FA2H: variants seen among roughly 807,000 people sequenced by gnomAD.
The protein encoded by FA2H is fatty acid alpha-hydroxylase.
Under a neutral mutation model 44.9 loss-of-function variants are expected in FA2H, and 22 were observed. The ratio of observed to expected loss-of-function variants is 0.49; its 90% CI spans 0.35 to 0.70. The LOEUF is 0.70. FA2H is among the 30% of genes least tolerant of loss of function. The probability of loss-of-function intolerance (pLI) is 0.01; values close to 1 mark genes in which losing one functional copy is unlikely to be tolerated. For missense variants in FA2H, 501 were observed against 504.9 expected (o/e 0.99, Z 0.07); for synonymous variants, 243 against 213.2 (o/e 1.14, Z -1.22).
intron 1 of FA2H, among the ~76,000 whole-genome samples, chr16:74,747,333 AGAAAG>A (rs1191775756): frequency 3.1e-3 from 1 of 326 alleles, no homozygotes; most frequent in Non-Finnish European, 5.7e-3. Context: ...TAAATAAATA[AGAAAG>A]AAAGAAAGAA....
At position 74,738,840 on chromosome 16, in the gene FA2H, G is replaced by A. The variant is rs1024953801; in HGVS notation, c.363+1183C>T. Reference sequence around the variant, plus strand: ...GAAACCAGGTCCCAGCTCGCCGGCTGCATGGCCGGGCAGCCTTTCCTCTGG... The same window carrying A: ...GAAACCAGGTCCCAGCTCGCCGGCTACATGGCCGGGCAGCCTTTCCTCTGG... On this transcript the variant is annotated intron_variant, in intron 2 of 6. Coordinates refer to ENST00000219368, the MANE Select transcript of FA2H (RefSeq NM_024306.5). Among the ~76,000 whole-genome samples the A allele has an allele frequency of 3.3e-5, 5 of 152,242 alleles. No individual in the cohort carries two copies. In the South Asian group the frequency reaches 8.3e-4, roughly 25 times the overall value.
At chr16:74,746,371 TA>T (rs1312529637) in intron 1 of FA2H, among the ~76,000 whole-genome samples, 402 of 96,866 alleles carry the variant, frequency 4.2e-3, no homozygotes, top group Non-Finnish European at 5.3e-3. Flanking sequence ...TTATTATTAT[TA>T]TTATTATTTT....
At chr16:74,748,230 C>G (rs1307085156) in intron 1 of FA2H, among the ~76,000 whole-genome samples, 1 of 152,254 alleles carries the variant, frequency 6.6e-6, no homozygotes, top group Admixed American at 6.5e-5. Context: ...CATGGAAACG[C>G]TGCGCGTGGA....
At chr16:74,750,808 GC>G (rs1962514593) in intron 1 of FA2H, among the ~76,000 whole-genome samples, 3 of 78,334 alleles carry the variant, frequency 3.8e-5, no homozygotes, top group Non-Finnish European at 8.4e-5. Flanking sequence ...ACAGGGTCTC[GC>G]TCTGTCAGCA....
At chr16:74,767,251 G>C (rs956438889) in intron 1 of FA2H, among the ~76,000 whole-genome samples, 1 of 152,190 alleles carries the variant, frequency 6.6e-6, no homozygotes, top group Non-Finnish European at 1.5e-5. Flanking sequence ...GGAGGTTGCA[G>C]TGAGCCGAGA....
At chr16:74,738,848 G>A (rs889078046) in intron 2 of FA2H, among the ~76,000 whole-genome samples, 2 of 152,224 alleles carry the variant, frequency 1.3e-5, no homozygotes, top group African/African-American at 4.8e-5. Flanking sequence ...CTGCATGGCC[G>A]GGCAGCCTTT....
intron 5 of FA2H, chr16:74,716,800 G>T (rs1961714966): frequency 3.7e-6 from 2 of 539,908 alleles, no homozygotes; most frequent in African/African-American, 1.9e-5. Context: ...CCATTTGTGA[G>T]CCAGGAAGGG....
Position 74,726,250 on chromosome 16 carries a change from G to T in FA2H, c.588C>A (p.Val196=), listed in dbSNP as rs1208153746. 6.2e-7 allele frequency: 1 copy of T among 1,613,914 alleles called. No individual in the cohort carries two copies. Among genetic ancestry groups the T allele is most frequent in the East Asian group, 2.2e-5 (1 of 44,884 alleles). Reference sequence around the variant, plus strand: ...CTGTTGTAAATGACGTGAAGAGTCGGACGTTGCCCTGGGCAAAGGTTCGGT... The same window carrying T: ...CTGTTGTAAATGACGTGAAGAGTCGTACGTTGCCCTGGGCAAAGGTTCGGT... The part of the protein sequence containing the change: ...SYYRTFAQGN[V]RLFTSFTTEY... Residue 196 remains valine (V), a synonymous_variant, in exon 4 of 7, where the codon GTC becomes GTA. Transcript: ENST00000219368.
Position 74,727,370 on chromosome 16 carries a change from C to G in FA2H, c.380G>C (p.Arg127Pro). Residue 127 changes from arginine to proline, a missense_variant, in exon 3 of 7, where the codon CGA (arginine) becomes CCA (proline). Transcript: ENST00000219368. ...VDWDKDLVDW[R>P]KPLLWQVGHL... ...GCCCACCTGCCACAGGAGAGGCTTT[C>G]GCCAGTCCACCAGGTCCTGCAAGAG... The G allele has an allele frequency of 6.2e-7, 1 of 1,614,248 alleles. No homozygotes were observed. Among genetic ancestry groups the G allele is most frequent in the Non-Finnish European group, 8.5e-7 (1 of 1,180,046 alleles).
chr16:74,758,957 A>G (rs972082097), intron 1 of FA2H, among the ~76,000 whole-genome samples: 5 of 152,048 alleles, frequency 3.3e-5, no homozygotes, highest in Non-Finnish European at 7.4e-5. Context: ...GCTGCCTACA[A>G]ACTATGCTCT....
intron 4 of FA2H, among the ~76,000 whole-genome samples, chr16:74,725,510 C>A (rs920650065): frequency 4.6e-5 from 7 of 152,174 alleles, no homozygotes; most frequent in African/African-American, 1.2e-4. Context: ...TCATCCTCTG[C>A]CCCCCAGCTA....
At chr16:74,733,800 G>A (rs945041224) in intron 2 of FA2H, among the ~76,000 whole-genome samples, 6 of 152,186 alleles carry the variant, frequency 3.9e-5, no homozygotes, top group South Asian at 2.1e-4. Flanking sequence ...GGTGGGCAGC[G>A]CTGCTGACAC....
In FA2H at chr16:74,737,063, C is replaced by T. The variant is rs542673895; in HGVS notation, c.363+2960G>A. Among the ~76,000 whole-genome samples the T allele has an allele frequency of 1.3e-4, 20 of 152,314 alleles. No individual in the cohort carries two copies. In the South Asian group the frequency reaches 3.7e-3, roughly 28 times the overall value. ...AAGAGATGTGAATTCAGGGCTAACTCCGCTGCTGAGCATCTGGGCAGCGAA... is the reference window on the plus strand; with the variant it reads ...AAGAGATGTGAATTCAGGGCTAACTTCGCTGCTGAGCATCTGGGCAGCGAA... On this transcript the variant is annotated intron_variant, in intron 2 of 6. Transcript: ENST00000219368.
At chr16:74,763,102 A>C (rs1279553521) in intron 1 of FA2H, among the ~76,000 whole-genome samples, 2 of 152,176 alleles carry the variant, frequency 1.3e-5, no homozygotes, top group Non-Finnish European at 2.9e-5. Flanking sequence ...CAGGGTCCCA[A>C]AGTGTAGGCC....
rs180876228 is a variant in FA2H at position 74,729,729 on chromosome 16, C to G, written c.364-2343G>C. Among the ~76,000 whole-genome samples the G allele has an allele frequency of 4.6e-5, 7 of 152,234 alleles. No individual in the cohort carries two copies. In the East Asian group the frequency reaches 1.4e-3, roughly 29 times the overall value. On this transcript the variant is annotated intron_variant, in intron 2 of 6. Coordinates refer to ENST00000219368, the MANE Select transcript of FA2H (RefSeq NM_024306.5). ...GGAACACCATTAGAGCCTGGCTGTGCCTTTGACCAGCTGTGAGATCCTGGA... is the reference window on the plus strand; with the variant it reads ...GGAACACCATTAGAGCCTGGCTGTGGCTTTGACCAGCTGTGAGATCCTGGA...
chr16:74,740,026 G>A lies in FA2H; in HGVS notation c.360C>T (p.Asp120=). Residue 120 remains aspartate (D), a synonymous_variant, in exon 2 of 7, where the codon GAC becomes GAT. Coordinates refer to ENST00000219368, the MANE Select transcript of FA2H (RefSeq NM_024306.5). ...CACTCCATCCTATGCCAGGTACCTT[G>A]TCCCAATCCACCACTTTGAACCGTG... ...MEPRFKVVDW[D]KDLVDWRKPL... is the part of the protein sequence containing the mutation. 6.2e-7 allele frequency: 1 copy of A among 1,611,842 alleles called. No individual in the cohort carries two copies. Among genetic ancestry groups the A allele is most frequent in the Non-Finnish European group, 8.5e-7 (1 of 1,177,994 alleles).
chr16:74,743,310 G>A (rs1962349968), intron 1 of FA2H, among the ~76,000 whole-genome samples: 1 of 152,176 alleles, frequency 6.6e-6, no homozygotes, highest in Non-Finnish European at 1.5e-5. Flanking sequence ...CCATGTCCTG[G>A]TTCTAAGGTT....
chr16:74,738,631 G>C (rs897842368), intron 2 of FA2H, among the ~76,000 whole-genome samples: 1 of 152,180 alleles, frequency 6.6e-6, no homozygotes, highest in Non-Finnish European at 1.5e-5. Context: ...TCTCTCTGCA[G>C]CTCCTTCCAG....
chr16:74,724,862 G>A (rs1961918213), intron 4 of FA2H, among the ~76,000 whole-genome samples: 1 of 151,982 alleles, frequency 6.6e-6, no homozygotes, highest in Non-Finnish European at 1.5e-5. Flanking sequence ...CATCACCCCT[G>A]TCTGCCCATC....
Sources: gnomAD v4.1 joint callset for allele counts (sites outside exome capture counted in the v4.1 genomes callset) on GRCh38, gnomAD v4.1.1 for gene constraint, MANE v1.5 for transcripts, NCBI Gene and HGNC (gene_info 2026-07-23, HGNC 2026-07-21) for gene names.